The following MYO5B variants were observed in gnomAD, a reference collection of about 807,000 sequenced individuals.
MYO5B encodes the protein myosin VB.
MYO5B carries 143 observed loss-of-function variants against 229.3 expected under a neutral mutation model. The ratio of observed to expected loss-of-function variants is 0.62; its 90% CI spans 0.54 to 0.72. MYO5B has a LOEUF of 0.72. Ranked by LOEUF, MYO5B falls within the 30% of genes least tolerant of loss-of-function variation. MYO5B has a pLI of 0.00. For missense variants in MYO5B, 2,321 were observed against 2,331.0 expected, an observed-to-expected ratio of 1.00 and a Z score of 0.09; for synonymous variants, 918 against 885.2, an observed-to-expected ratio of 1.04 and a Z score of -0.66.
At chr18:49,979,454 T>C (rs544672946) in intron 9 of MYO5B, among the ~76,000 whole-genome samples, 47 of 152,302 alleles carry the variant, frequency 3.1e-4, no homozygotes, top group African/African-American at 6.5e-4. Flanking sequence ...CAATGAGCTC[T>C]ACTGAATCCC....
intron 1 of MYO5B, among the ~76,000 whole-genome samples, chr18:50,134,126 G>A (rs1359989916): frequency 1.3e-5 from 2 of 152,194 alleles, no homozygotes; most frequent in Non-Finnish European, 2.9e-5. Flanking sequence ...AAGGCAGAAG[G>A]AAAACATCAC....
At chr18:50,039,481 G>A (rs2029939421) in intron 3 of MYO5B, among the ~76,000 whole-genome samples, 2 of 151,830 alleles carry the variant, frequency 1.3e-5, no homozygotes, top group African/African-American at 2.4e-5. Context: ...ACAGGCGCCC[G>A]CCACCACACC....
At chr18:49,859,893 C>G (rs1191236283) in intron 29 of MYO5B, among the ~76,000 whole-genome samples, 2 of 152,206 alleles carry the variant, frequency 1.3e-5, no homozygotes, top group Non-Finnish European at 2.9e-5. Context: ...TCAAATGAGC[C>G]AACAGCTCCG....
At chr18:50,101,330 C>T (rs972698655) in intron 1 of MYO5B, among the ~76,000 whole-genome samples, 2 of 152,170 alleles carry the variant, frequency 1.3e-5, no homozygotes, top group African/African-American at 4.8e-5. Flanking sequence ...AAGAGGGGTA[C>T]TTAGTGAGGC....
At chr18:50,004,459 T>C (rs1426613523) in intron 4 of MYO5B, among the ~76,000 whole-genome samples, 1 of 152,260 alleles carries the variant, frequency 6.6e-6, no homozygotes, top group Non-Finnish European at 1.5e-5. Context: ...TTAGATCTGA[T>C]GCTGATATGT....
Position 49,879,027 on chromosome 18 carries a change from G to C in MYO5B, c.3194C>G (p.Ser1065Cys), listed in dbSNP as rs773309893. 2.5e-6 allele frequency: 4 copies of C among 1,608,118 alleles called. No individual in the cohort carries two copies. Among genetic ancestry groups the C allele is most frequent in the South Asian group, 2.2e-5 (2 of 90,438 alleles). ...LMKKELEEERSRYQNLVKEYS... is the reference protein window; with the variant it reads ...LMKKELEEERCRYQNLVKEYS... ...TTCCTTCACAAGGTTCTGGTACCGG[G>C]ATCGCTCCTCCTCCAGTTCTTTCTT... Residue 1065 changes from serine (S) to cysteine (C), a missense_variant, in exon 24 of 40, where the codon TCC (serine) becomes TGC (cysteine). By Grantham distance (112) the Ser-to-Cys change is moderately radical. This residue lies in a region of MYO5B where 2,113 missense variants were observed against 2,044.7 expected (regional missense o/e 1.03). Transcript: ENST00000285039.
chr18:49,980,331 G>A lies in MYO5B; in HGVS notation c.1056+113C>T, dbSNP rs150662102. On this transcript the variant is annotated intron_variant, in intron 9 of 39. Transcript: ENST00000285039. The stretch of plus-strand genomic sequence containing the variant: ...CAGCAAGTGAACAGAAACCATTACT[G>A]TTAAGAATAAATAACCTATGAGTGT... 3.4e-5 allele frequency: 28 copies of A among 829,006 alleles called. No homozygotes were observed. The East Asian group carries it at 6.1e-4, about 18-fold the overall frequency. 51.4% of individuals were successfully genotyped at this position (829,006 alleles called of 1,614,324 possible).
At chr18:50,088,979 C>G (rs2031389440) in intron 1 of MYO5B, among the ~76,000 whole-genome samples, 1 of 146,792 alleles carries the variant, frequency 6.8e-6, no homozygotes, top group South Asian at 2.1e-4. Context: ...AAAAGTCTCC[C>G]TAAAATGCTC....
chr18:50,007,376 C>A (rs188203383), intron 4 of MYO5B, among the ~76,000 whole-genome samples: 2 of 152,202 alleles, frequency 1.3e-5, no homozygotes, highest in East Asian at 3.9e-4. Context: ...TTTTAGTCCA[C>A]ACCATCATCA....
chr18:50,007,503 A>T (rs1250614110), intron 4 of MYO5B, among the ~76,000 whole-genome samples: 1 of 152,130 alleles, frequency 6.6e-6, no homozygotes, highest in African/African-American at 2.4e-5. Context: ...CCCTTGCTTT[A>T]AGCCTTCCAA....
At chr18:49,877,146 C>T (rs567473925) in intron 25 of MYO5B, among the ~76,000 whole-genome samples, 2 of 152,244 alleles carry the variant, frequency 1.3e-5, no homozygotes, top group South Asian at 4.2e-4. Context: ...CACACGCGCG[C>T]ATGTGCCTGT....
chr18:50,185,666 C>T (rs2033138229), intron 1 of MYO5B, among the ~76,000 whole-genome samples: 1 of 152,152 alleles, frequency 6.6e-6, no homozygotes, highest in African/African-American at 2.4e-5. Context: ...GCAATTATTA[C>T]TGTCAACAAA....
rs957140148 is a variant in MYO5B, at chr18:49,959,511, G to A, written c.1545+2755C>T. Among the ~76,000 whole-genome samples the A allele has an allele frequency of 6.6e-5, 10 of 152,256 alleles. No homozygotes were observed. The East Asian group carries it at 9.6e-4, about 15-fold the overall frequency. ...TGGGCCAGGTGAGGAAACAGGGGGC[G>A]GGGGACACTGGCCTCCCCACTGAGT... On this transcript the variant is annotated intron_variant, in intron 12 of 39. Transcript: ENST00000285039.
intron 27 of MYO5B, among the ~76,000 whole-genome samples, chr18:49,869,878 C>T (rs868155261): frequency 5.3e-5 from 8 of 152,160 alleles, no homozygotes; most frequent in African/African-American, 7.2e-5. Flanking sequence ...GCCATCAGTC[C>T]CACATCTACT....
At chr18:50,140,318 A>AAGGCAGCAACTC (rs2032398974) in intron 1 of MYO5B, among the ~76,000 whole-genome samples, 1 of 152,240 alleles carries the variant, frequency 6.6e-6, no homozygotes, top group Non-Finnish European at 1.5e-5. Flanking sequence ...TTGAAACTAA[A>AAGGCAGCAACTC]AGGCAGCAAC....
At chr18:50,039,642 T>G (rs980541706) in intron 3 of MYO5B, among the ~76,000 whole-genome samples, 3 of 152,202 alleles carry the variant, frequency 2.0e-5, no homozygotes, top group Non-Finnish European at 4.4e-5. Flanking sequence ...AAAGGAAAAG[T>G]TTTAAGAAAA....
Position 49,875,774 on chromosome 18 carries a change from C to T in MYO5B, c.3450G>A (p.Gln1150=). 6.2e-7 allele frequency: 1 copy of T among 1,614,202 alleles called. No individual in the cohort carries two copies. Among genetic ancestry groups the T allele is most frequent in the South Asian group, 1.1e-5 (1 of 91,092 alleles). The change falls in exon 26 of 40, where the codon CAG becomes CAA. Residue 1150 remains glutamine (Q), a synonymous_variant. Transcript: ENST00000285039. ...AMDMTVFLKL[Q]KRVRELEQER... is the part of the protein sequence containing the mutation. ...CCTGCTCCAGCTCCCGTACTCTCTTCTGCAGCTTCAGGAAGACCGTCATGT... is the reference window on the plus strand; with the variant it reads ...CCTGCTCCAGCTCCCGTACTCTCTTTTGCAGCTTCAGGAAGACCGTCATGT...
At chr18:49,835,507 G>C in intron 38 of MYO5B, 83 bp from the exon 39 acceptor site, 1 of 866,944 alleles carries the variant, frequency 1.2e-6, no homozygotes, top group South Asian at 1.3e-5. Flanking sequence ...TGTGACATTG[G>C]TACAAGAGTA....
At chr18:50,193,308 C>T (rs563029788) in intron 1 of MYO5B, among the ~76,000 whole-genome samples, 1 of 152,368 alleles carries the variant, frequency 6.6e-6, no homozygotes, top group South Asian at 2.1e-4. Flanking sequence ...GTCGCCCATC[C>T]CTGATCGCTG....
Sources: allele counts gnomAD v4.1 joint callset (sites outside exome capture counted in the v4.1 genomes callset), GRCh38; gene constraint gnomAD v4.1.1; regional missense constraint gnomAD v4.1.1; transcripts MANE v1.5; gene names NCBI Gene and HGNC (gene_info 2026-07-23, HGNC 2026-07-21).